Variants in DYRK1A observed in about 807,000 individuals in gnomAD.
The protein encoded by DYRK1A is dual specificity tyrosine-phosphorylation-regulated kinase 1A.
Under a neutral mutation model 79.7 loss-of-function variants are expected in DYRK1A, and 9 were observed. The ratio of observed to expected loss-of-function variants is 0.11; its 90% CI spans 0.07 to 0.20. The LOEUF is 0.20. DYRK1A is among the 10% of genes least tolerant of loss of function. DYRK1A has a pLI of 1.00. For synonymous variants in DYRK1A, 349 were observed against 329.7 expected, an observed-to-expected ratio of 1.06 and a Z score of -0.63; for missense variants, 622 against 956.0, an observed-to-expected ratio of 0.65 and a Z score of 4.61.
chr21:37,508,488 C>T lies in DYRK1A; in HGVS notation c.1644+2265C>T, dbSNP rs150241226. On this transcript the variant is annotated intron_variant, in intron 11 of 11. Transcript: ENST00000647188. Reference sequence around the variant, plus strand: ...TTGTAGTAGAGACGGGGTTTTGCCACGTTGGCCAGGCTGGTCATGAACTCC... The same window carrying T: ...TTGTAGTAGAGACGGGGTTTTGCCATGTTGGCCAGGCTGGTCATGAACTCC... Among the ~76,000 whole-genome samples, 988 of 152,206 alleles carry T rather than the reference C, an allele frequency of 6.5e-3. 10 individuals are homozygous for T. Among genetic ancestry groups the T allele is most frequent in the African/African-American group, 0.023 (943 of 41,524 alleles).
intron 1 of DYRK1A, among the ~76,000 whole-genome samples, chr21:37,411,049 T>TCAAAAAAAAAAAAAAAAA (rs1391560478): frequency 1.8e-5 from 1 of 56,410 alleles, no homozygotes; most frequent in African/African-American, 7.4e-5. Context: ...ATTCTGTCTT[T>TCAAAAAAAAAAAAAAAAA]AAAAAAAAAA....
chr21:37,440,905 A>C (rs1330666699), intron 2 of DYRK1A, among the ~76,000 whole-genome samples: 2 of 152,266 alleles, frequency 1.3e-5, no homozygotes, highest in African/African-American at 4.8e-5. Context: ...TCTAAATGTT[A>C]ATTAGGTCAA....
In DYRK1A at chr21:37,512,618, CAGG is replaced by C. The variant is rs1488702648; in HGVS notation, c.*93_*95del. The stretch of plus-strand genomic sequence containing the variant: ...AAACAAAGTGCAAAGCTGCTTGAAT[CAGG>C]AGGAGATTAACACACTGAACCGCTA... On this transcript the variant is annotated 3_prime_UTR_variant, in exon 12 of 12. Coordinates refer to ENST00000647188, the MANE Select transcript of DYRK1A (RefSeq NM_001347721.2). 19 of 1,491,900 alleles carry C rather than the reference CAGG, an allele frequency of 1.3e-5. No homozygotes were observed. The highest frequency in any genetic ancestry group is 1.3e-4 in the African/African-American group (9 of 71,704). 92.4% of individuals were successfully genotyped at this position (1,491,900 alleles called of 1,614,324 possible).
At chr21:37,422,286 C>T (rs73218410) in intron 2 of DYRK1A, among the ~76,000 whole-genome samples, 11,490 of 152,142 alleles carry the variant, frequency 0.076, 647 homozygotes, top group Non-Finnish European at 0.11. Context: ...TGAAAGTTAA[C>T]AATTGTTTTT....
chr21:37,482,343 A>G (rs537501426), intron 5 of DYRK1A, among the ~76,000 whole-genome samples: 19 of 152,192 alleles, frequency 1.2e-4, no homozygotes, highest in Non-Finnish European at 2.8e-4. Context: ...CAGAGTACAA[A>G]AGAGAAATAT....
intron 2 of DYRK1A, among the ~76,000 whole-genome samples, chr21:37,427,806 A>G (rs11701483): frequency 0.075 from 11,490 of 152,202 alleles, 644 homozygotes; most frequent in Non-Finnish European, 0.11. Flanking sequence ...TTCAATAGAC[A>G]AAACATAACT....
intron 1 of DYRK1A, among the ~76,000 whole-genome samples, chr21:37,401,298 G>C (rs2050048291): frequency 6.6e-6 from 1 of 152,016 alleles, no homozygotes; most frequent in Admixed American, 6.6e-5. Flanking sequence ...ACTTAGAAAG[G>C]TGCCAGTGGA....
intron 1 of DYRK1A, among the ~76,000 whole-genome samples, chr21:37,395,090 C>T (rs1317465053): frequency 1.3e-5 from 2 of 152,224 alleles, no homozygotes; most frequent in Middle Eastern, 6.8e-3. Flanking sequence ...TTAAATAGTT[C>T]TCTTCTTGAT....
rs756413876 is a variant in DYRK1A, at chr21:37,445,659, T to C, written c.10+25275T>C. ...TGTGGGGTAGTCTGGTTTATAGAAG[T>C]GCCCATCAGTCATGCAGATCTCTTG... On this transcript the variant is annotated intron_variant, in intron 2 of 11. Transcript: ENST00000647188. Among the ~76,000 whole-genome samples the C allele has an allele frequency of 1.3e-5, 2 of 152,198 alleles. 1 individual carries two copies. The highest frequency in any genetic ancestry group is 4.1e-4 in the South Asian group (2 of 4,826).
intron 2 of DYRK1A, among the ~76,000 whole-genome samples, chr21:37,432,143 T>C (rs1211913015): frequency 6.6e-6 from 1 of 152,186 alleles, no homozygotes; most frequent in Non-Finnish European, 1.5e-5. Context: ...TATATGACAG[T>C]ATACTGTCAT....
intron 2 of DYRK1A, among the ~76,000 whole-genome samples, chr21:37,448,779 C>T (rs1218039228): frequency 2.6e-5 from 4 of 152,138 alleles, no homozygotes; most frequent in Non-Finnish European, 5.9e-5. Context: ...GCACTGCAGC[C>T]TCAACCTCCT....
At chr21:37,425,183 G>GGGTTA (rs1409188839) in intron 2 of DYRK1A, among the ~76,000 whole-genome samples, 2 of 152,136 alleles carry the variant, frequency 1.3e-5, no homozygotes, top group Admixed American at 1.3e-4. Flanking sequence ...GAAGGTCAGG[G>GGGTTA]GGTTAAGGCT....
intron 2 of DYRK1A, among the ~76,000 whole-genome samples, chr21:37,456,558 C>G (rs2835755): frequency 0.28 from 42,890 of 151,952 alleles, 6,235 homozygotes; most frequent in South Asian, 0.38. Context: ...TTTTTCCCCT[C>G]TGAGATCAGT....
At chr21:37,483,079 G>A (rs980236843) in intron 5 of DYRK1A, among the ~76,000 whole-genome samples, 2 of 152,104 alleles carry the variant, frequency 1.3e-5, no homozygotes, top group African/African-American at 4.8e-5. Flanking sequence ...CTCAGCTTAC[G>A]AAAATGAAGG....
intron 6 of DYRK1A, 58 bp from the exon 7 acceptor site, chr21:37,490,113 GTGTT>G: frequency 6.2e-6 from 9 of 1,447,096 alleles, no homozygotes; most frequent in Non-Finnish European, 8.5e-6. Context: ...GAGAGTGCAT[GTGTT>G]TGTTACTCTC....
At chr21:37,452,009 C>G (rs563795968) in intron 2 of DYRK1A, among the ~76,000 whole-genome samples, 1 of 151,716 alleles carries the variant, frequency 6.6e-6, no homozygotes, top group Non-Finnish European at 1.5e-5. Flanking sequence ...GTGAGAAGGT[C>G]GGTGCAGTTA....
At chr21:37,383,307 A>G (rs2049695839) in intron 1 of DYRK1A, among the ~76,000 whole-genome samples, 1 of 152,224 alleles carries the variant, frequency 6.6e-6, no homozygotes, top group African/African-American at 2.4e-5. Flanking sequence ...ACTGAGTCTC[A>G]TTTGGTCTTC....
intron 1 of DYRK1A, among the ~76,000 whole-genome samples, chr21:37,403,007 G>GCC (rs540313994): frequency 1.1e-4 from 16 of 151,630 alleles, no homozygotes; most frequent in Non-Finnish European, 1.9e-4. Flanking sequence ...CAGGTGATCT[G>GCC]CCCCCCCTCA....
At chr21:37,481,859 A>C (rs2052653303) in intron 5 of DYRK1A, among the ~76,000 whole-genome samples, 1 of 151,946 alleles carries the variant, frequency 6.6e-6, no homozygotes, top group Admixed American at 6.5e-5. Context: ...AAAAAAAAAA[A>C]ATGTTAGGGG....
Sources: allele counts gnomAD v4.1 joint callset (sites outside exome capture counted in the v4.1 genomes callset), GRCh38; gene constraint gnomAD v4.1.1; transcripts MANE v1.5; gene names NCBI Gene and HGNC (gene_info 2026-07-23, HGNC 2026-07-21).